Variants in ZFHX3 observed in about 807,000 individuals in gnomAD.
ZFHX3 encodes zinc finger homeobox protein 3.
ZFHX3 carries 42 observed loss-of-function variants against 279.1 expected under a neutral mutation model. That is an observed-to-expected ratio of 0.15 (90% CI 0.12 to 0.19). The LOEUF (loss-of-function observed/expected upper bound fraction) is 0.19. Among genes scored for constraint, ZFHX3 ranks in the 10% least tolerant of loss-of-function variants. The pLI is 1.00. For synonymous variants in ZFHX3, 2,293 were observed against 1,957.8 expected (o/e 1.17, Z -4.52); for missense variants, 4,981 against 4,754.0 (o/e 1.05, Z -1.40).
chr16:73,689,825 TGTTGTTG>T (rs2053129752), intron 1 of ZFHX3, among the ~76,000 whole-genome samples: 3 of 146,748 alleles, frequency 2.0e-5, no homozygotes, highest in Non-Finnish European at 3.0e-5. Context: ...TTGTTTTTTT[TGTTGTTG>T]TTGTTTTTTT....
intron 3 of ZFHX3, among the ~76,000 whole-genome samples, chr16:73,384,136 G>A (rs2016859885): frequency 6.6e-6 from 1 of 152,184 alleles, no homozygotes; most frequent in African/African-American, 2.4e-5. Context: ...GATGCTCTTG[G>A]CCAGGAATTG....
intron 5 of ZFHX3, among the ~76,000 whole-genome samples, chr16:72,824,040 A>G (rs1374109409): frequency 1.3e-5 from 2 of 152,168 alleles, no homozygotes; most frequent in African/African-American, 4.8e-5. Flanking sequence ...AGGCATCTCT[A>G]TTTATACAAA....
chr16:73,791,472 C>T (rs1198085400), intron 1 of ZFHX3, among the ~76,000 whole-genome samples: 9 of 151,620 alleles, frequency 5.9e-5, no homozygotes, highest in African/African-American at 1.5e-4. Flanking sequence ...GTTGCCAGGC[C>T]GGAGTGCAGC....
intron 5 of ZFHX3, among the ~76,000 whole-genome samples, chr16:73,168,211 T>TTTTCTCTTTCTTTCTTTCTTTC (rs1555502323): frequency 2.2e-4 from 21 of 95,312 alleles, no homozygotes; most frequent in African/African-American, 8.4e-4. Context: ...GTTTCTTTTG[T>TTTTCTCTTTCTTTCTTTCTTTC]TTTCTTTCTT....
intron 5 of ZFHX3, among the ~76,000 whole-genome samples, chr16:73,197,586 T>C (rs1968177033): frequency 6.6e-6 from 1 of 152,242 alleles, no homozygotes; most frequent in South Asian, 2.1e-4. Flanking sequence ...CTTATCTGGA[T>C]ATTTCAGAGA....
chr16:73,242,572 C>G (rs2013155425), intron 5 of ZFHX3, among the ~76,000 whole-genome samples: 1 of 152,176 alleles, frequency 6.6e-6, no homozygotes. Context: ...ATCACAGAAG[C>G]TACAGAAGGA....
intron 1 of ZFHX3, among the ~76,000 whole-genome samples, chr16:73,845,350 G>A (rs1961421998): frequency 6.6e-6 from 1 of 152,104 alleles, no homozygotes; most frequent in Admixed American, 6.5e-5. Context: ...TGATATCCAG[G>A]AGGAGCTCAT....
chr16:72,865,099 T>C (rs1190378742), intron 4 of ZFHX3, among the ~76,000 whole-genome samples: 1 of 152,242 alleles, frequency 6.6e-6, no homozygotes, highest in Non-Finnish European at 1.5e-5. Context: ...TAATGAATTA[T>C]TTTAAACAGA....
At chr16:73,153,259 C>G (rs1356616904) in intron 5 of ZFHX3, among the ~76,000 whole-genome samples, 1 of 152,144 alleles carries the variant, frequency 6.6e-6, no homozygotes, top group Admixed American at 6.5e-5. Context: ...ATAATTGCAC[C>G]TTGGGATGAA....
chr16:72,787,048 T>TTG lies in ZFHX3; in HGVS notation c.*115_*116insCA. On this transcript the variant is annotated 3_prime_UTR_variant, in exon 10 of 10. Transcript: ENST00000268489. ...GCTTTTTCTTTTTTTTCTTTTTTTT[T>TTG]TTTTTTTTGTTTTTTGGTTAGAAGC... 9.9e-7 allele frequency: 1 copy of TTG among 1,008,152 alleles called. No homozygotes were observed. Among genetic ancestry groups the TTG allele is most frequent in the Middle Eastern group, 3.8e-4 (1 of 2,610 alleles). The allele number at this position is 1,008,152 out of a possible 1,614,324, so 62.5% of individuals were successfully genotyped here. A position where few individuals can be genotyped will look rare whatever the true frequency, so the allele number is the denominator to read the frequency against.
chr16:72,871,901 C>G (rs1825771806), intron 4 of ZFHX3, among the ~76,000 whole-genome samples: 1 of 152,116 alleles, frequency 6.6e-6, no homozygotes. Context: ...CTGGCTAACA[C>G]AGTGAAACCG....
At chr16:72,995,516 C>T (rs897217814) in intron 1 of ZFHX3, among the ~76,000 whole-genome samples, 2 of 152,330 alleles carry the variant, frequency 1.3e-5, no homozygotes, top group East Asian at 1.9e-4. Context: ...TTTGTCCCTC[C>T]GATCACAACT....
intron 1 of ZFHX3, among the ~76,000 whole-genome samples, chr16:73,832,387 A>C (rs1267200300): frequency 6.6e-6 from 1 of 152,212 alleles, no homozygotes; most frequent in Non-Finnish European, 1.5e-5. Flanking sequence ...ATGGTCACCT[A>C]GTAGCTTAAG....
At chr16:73,001,268 A>T (rs771516538) in intron 1 of ZFHX3, among the ~76,000 whole-genome samples, 7 of 152,302 alleles carry the variant, frequency 4.6e-5, no homozygotes, top group Admixed American at 1.3e-4. Flanking sequence ...CTCTTGGGGA[A>T]ATGAATCCTA....
intron 2 of ZFHX3, among the ~76,000 whole-genome samples, chr16:73,644,558 G>A (rs1403824467): frequency 2.6e-5 from 4 of 152,190 alleles, no homozygotes; most frequent in African/African-American, 7.2e-5. Flanking sequence ...CTACCCCAGA[G>A]GCTGAGGTAG....
At chr16:73,546,579 C>G (rs1345826146) in intron 2 of ZFHX3, among the ~76,000 whole-genome samples, 2 of 152,078 alleles carry the variant, frequency 1.3e-5, no homozygotes, top group South Asian at 2.1e-4. Flanking sequence ...TGTCTGTGCT[C>G]GTAGGTTTGA....
chr16:73,762,618 C>T (rs764779064), intron 1 of ZFHX3, among the ~76,000 whole-genome samples: 2 of 152,118 alleles, frequency 1.3e-5, no homozygotes, highest in Non-Finnish European at 2.9e-5. Flanking sequence ...AAATGTAGTA[C>T]ATATATACCA....
At chr16:73,399,259 T>C (rs1206669945) in intron 3 of ZFHX3, among the ~76,000 whole-genome samples, 2 of 152,120 alleles carry the variant, frequency 1.3e-5, no homozygotes, top group African/African-American at 4.8e-5. Context: ...GTGGAATTAA[T>C]TTTTAGAAAG....
chr16:73,127,182 G>T, intron 7 of ZFHX3: 1 of 396,892 alleles, frequency 2.5e-6, no homozygotes, highest in Non-Finnish European at 4.4e-6. Flanking sequence ...TTGGAAGAAG[G>T]GTCTGATCGA....
Sources: allele counts gnomAD v4.1 joint callset (sites outside exome capture counted in the v4.1 genomes callset), GRCh38; gene constraint gnomAD v4.1.1; transcripts MANE v1.5; gene names NCBI Gene and HGNC (gene_info 2026-07-23, HGNC 2026-07-21).